CACNA2D3: variants seen among roughly 807,000 people sequenced by gnomAD.
The protein encoded by CACNA2D3 is calcium voltage-gated channel auxiliary subunit alpha2delta 3, also known as voltage-dependent calcium channel subunit alpha-2/delta-3.
In CACNA2D3, 60 loss-of-function variants were observed where a neutral mutation model predicts 160.6. The observed-to-expected ratio is 0.37, with a 90% CI of 0.30 to 0.46. The LOEUF (loss-of-function observed/expected upper bound fraction) is 0.46, where lower values mean the gene tolerates loss of function less well. Ranked by LOEUF, CACNA2D3 falls within the 20% of genes least tolerant of loss-of-function variation. CACNA2D3 has a pLI of 1.00. For synonymous variants in CACNA2D3, 558 were observed against 492.9 expected, an observed-to-expected ratio of 1.13 and a Z score of -1.75; for missense variants, 1,205 against 1,365.0, an observed-to-expected ratio of 0.88 and a Z score of 1.85.
intron 4 of CACNA2D3, among the ~76,000 whole-genome samples, chr3:54,444,983 C>A (rs1024345713): frequency 6.6e-6 from 1 of 152,248 alleles, no homozygotes; most frequent in Non-Finnish European, 1.5e-5. Flanking sequence ...CCCCCTTAAA[C>A]AGAGTGAGCC....
At chr3:54,290,016 A>C (rs1413172429) in intron 2 of CACNA2D3, among the ~76,000 whole-genome samples, 1 of 151,412 alleles carries the variant, frequency 6.6e-6, no homozygotes, top group Non-Finnish European at 1.5e-5. Flanking sequence ...TTCATGTCTA[A>C]AACACCAAAA....
intron 29 of CACNA2D3, among the ~76,000 whole-genome samples, chr3:54,978,982 G>A (rs551575427): frequency 1.3e-4 from 20 of 152,312 alleles, no homozygotes; most frequent in Non-Finnish European, 2.5e-4. Flanking sequence ...CTGATTATTT[G>A]TATACAGTGC....
At chr3:54,853,151 G>A (rs1195328059) in intron 17 of CACNA2D3, among the ~76,000 whole-genome samples, 1 of 151,702 alleles carries the variant, frequency 6.6e-6, no homozygotes. Context: ...CCTCAGAGAA[G>A]CATCGCTGCG....
chr3:54,992,741 C>T (rs972471799), intron 31 of CACNA2D3, among the ~76,000 whole-genome samples: 2 of 147,892 alleles, frequency 1.4e-5, no homozygotes, highest in African/African-American at 5.0e-5. Flanking sequence ...TTGTGTTAGT[C>T]GGTTCTCACA....
At chr3:54,157,985 A>G (rs1212897037) in intron 2 of CACNA2D3, among the ~76,000 whole-genome samples, 1 of 152,190 alleles carries the variant, frequency 6.6e-6, no homozygotes, top group East Asian at 1.9e-4. Flanking sequence ...GAGCTGCACT[A>G]TTTCAGAAGG....
At chr3:54,699,566 C>T (rs1045792106) in intron 11 of CACNA2D3, among the ~76,000 whole-genome samples, 1 of 152,118 alleles carries the variant, frequency 6.6e-6, no homozygotes, top group Admixed American at 6.6e-5. Flanking sequence ...TATGTCTTAT[C>T]TTCTCCGTGA....
intron 11 of CACNA2D3, among the ~76,000 whole-genome samples, chr3:54,741,577 A>C (rs1164151368): frequency 6.9e-6 from 1 of 144,066 alleles, no homozygotes; most frequent in Non-Finnish European, 1.5e-5. Context: ...ACCCCATCTA[A>C]AGAAAAAAAA....
intron 13 of CACNA2D3, 24 bp downstream of exon 13, chr3:54,764,375 A>G: frequency 6.2e-7 from 1 of 1,613,274 alleles, no homozygotes. Context: ...GCCCTGGGAA[A>G]GAGGCTAAGC....
intron 2 of CACNA2D3, among the ~76,000 whole-genome samples, chr3:54,217,028 G>A (rs1311671117): frequency 6.6e-6 from 1 of 152,170 alleles, no homozygotes; most frequent in African/African-American, 2.4e-5. Context: ...GATGGTGTGG[G>A]GCGGTGAGAG....
At chr3:54,506,575 C>G (rs932433728) in intron 5 of CACNA2D3, among the ~76,000 whole-genome samples, 1 of 152,192 alleles carries the variant, frequency 6.6e-6, no homozygotes, top group Non-Finnish European at 1.5e-5. Flanking sequence ...GTGCCTTTCT[C>G]TTGAGCACTG....
Position 54,891,455 on chromosome 3 carries a change from G to A in CACNA2D3, c.2246+5G>A, listed in dbSNP as rs748787701. The A allele has an allele frequency of 6.2e-7, 1 of 1,608,396 alleles. No homozygotes were observed. Among genetic ancestry groups the A allele is most frequent in the East Asian group, 2.2e-5 (1 of 44,846 alleles). ...GGCTGAGCAGCTCACCAATCAGTAA[G>A]TAGGAGGGATCCTCTACAGGGGCCC... On this transcript the variant is annotated splice_donor_5th_base_variant and intron_variant, in intron 25 of 37. Transcript: ENST00000474759.
chr3:54,974,329 A>T (rs1702336286), intron 29 of CACNA2D3, among the ~76,000 whole-genome samples: 1 of 152,246 alleles, frequency 6.6e-6, no homozygotes, highest in South Asian at 2.1e-4. Flanking sequence ...CAGCAACATT[A>T]TGAAATAGTT....
At chr3:54,217,644 G>A (rs1701485019) in intron 2 of CACNA2D3, among the ~76,000 whole-genome samples, 1 of 152,108 alleles carries the variant, frequency 6.6e-6, no homozygotes, top group East Asian at 1.9e-4. Flanking sequence ...TCCAGCTGAG[G>A]AACAGCAAGG....
chr3:55,050,977 G>C (rs358467), intron 35 of CACNA2D3, among the ~76,000 whole-genome samples: 105 of 137,772 alleles, frequency 7.6e-4, no homozygotes, highest in Admixed American at 2.1e-3. Context: ...GCACTTCTCT[G>C]TATTGGTTAT....
chr3:54,608,783 C>G (rs1248563343), intron 9 of CACNA2D3, among the ~76,000 whole-genome samples: 2 of 152,132 alleles, frequency 1.3e-5, no homozygotes, highest in East Asian at 3.9e-4. Context: ...AAAGAATGCA[C>G]AATCTATTGA....
intron 2 of CACNA2D3, among the ~76,000 whole-genome samples, chr3:54,314,839 G>T (rs1190071708): frequency 6.6e-6 from 1 of 152,218 alleles, no homozygotes; most frequent in African/African-American, 2.4e-5. Context: ...GAGTGCTGGA[G>T]ACAGGATGCA....
chr3:55,022,174 A>G (rs1234662758), intron 35 of CACNA2D3, among the ~76,000 whole-genome samples: 3 of 151,906 alleles, frequency 2.0e-5, no homozygotes, highest in East Asian at 1.9e-4. Flanking sequence ...CATGATTATT[A>G]TAGCTGCCTA....
intron 5 of CACNA2D3, among the ~76,000 whole-genome samples, chr3:54,528,356 T>A (rs1701756761): frequency 6.6e-6 from 1 of 152,018 alleles, no homozygotes. Context: ...AAAGAAAATA[T>A]CAAATATAGC....
At chr3:54,458,962 C>G (rs901574865) in intron 4 of CACNA2D3, among the ~76,000 whole-genome samples, 7 of 151,996 alleles carry the variant, frequency 4.6e-5, no homozygotes, top group African/African-American at 1.7e-4. Flanking sequence ...GTGATGTTCC[C>G]CTTCCTGTGT....
Sources: gnomAD v4.1 joint callset for allele counts (sites outside exome capture counted in the v4.1 genomes callset) on GRCh38, gnomAD v4.1.1 for gene constraint, MANE v1.5 for transcripts, NCBI Gene and HGNC (gene_info 2026-07-23, HGNC 2026-07-21) for gene names.